PDZD8: variants seen among roughly 807,000 people sequenced by gnomAD.
PDZD8 encodes PDZ domain-containing protein 8.
PDZD8 carries 14 observed loss-of-function variants against 85.8 expected under a neutral mutation model. The observed-to-expected ratio is 0.16, with a 90% CI of 0.11 to 0.26. The LOEUF is 0.26. Among genes scored for constraint, PDZD8 ranks in the 10% least tolerant of loss-of-function variants. The pLI, the probability that PDZD8 is intolerant of heterozygous loss-of-function variation, is 1.00. For synonymous variants in PDZD8, 592 were observed against 568.6 expected, an observed-to-expected ratio of 1.04 and a Z score of -0.59; for missense variants, 1,197 against 1,424.3, an observed-to-expected ratio of 0.84 and a Z score of 2.57.
intron 1 of PDZD8, among the ~76,000 whole-genome samples, chr10:117,360,278 G>A (rs1246605812): frequency 6.6e-6 from 1 of 152,144 alleles, no homozygotes; most frequent in African/African-American, 2.4e-5. Context: ...GGGAACCAAA[G>A]TAATTCTCTT....
chr10:117,305,963 C>T (rs1564693731), intron 3 of PDZD8, among the ~76,000 whole-genome samples: 1 of 152,138 alleles, frequency 6.6e-6, no homozygotes, highest in Non-Finnish European at 1.5e-5. Flanking sequence ...AAAACGGTGA[C>T]ATCTGATATC....
chr10:117,299,873 T>C (rs1156882547), intron 3 of PDZD8, among the ~76,000 whole-genome samples: 3 of 152,180 alleles, frequency 2.0e-5, no homozygotes, highest in Non-Finnish European at 4.4e-5. Flanking sequence ...GGGGGTTTTA[T>C]AGAACCTTGA....
At chr10:117,327,545 T>TGG (rs1844339047) in intron 2 of PDZD8, among the ~76,000 whole-genome samples, 1 of 152,248 alleles carries the variant, frequency 6.6e-6, no homozygotes, top group Admixed American at 6.5e-5. Context: ...TTTTTTCTAT[T>TGG]GTTCTGTTTC....
intron 2 of PDZD8, among the ~76,000 whole-genome samples, chr10:117,338,950 T>C (rs1004158502): frequency 2.0e-5 from 3 of 152,112 alleles, no homozygotes; most frequent in African/African-American, 7.2e-5. Context: ...GCAAATGAAC[T>C]AGTATTTTCT....
intron 3 of PDZD8, among the ~76,000 whole-genome samples, chr10:117,305,511 C>CAT (rs1843926772): frequency 1.7e-5 from 2 of 120,540 alleles, no homozygotes; most frequent in Non-Finnish European, 3.7e-5. Context: ...CACACACACA[C>CAT]ACACATATAT....
intron 3 of PDZD8, among the ~76,000 whole-genome samples, chr10:117,294,337 A>C (rs2532814): frequency 1.3e-4 from 11 of 84,806 alleles, no homozygotes; most frequent in East Asian, 3.1e-4. Flanking sequence ...CAAAAAAAAA[A>C]AAAAAAAACA....
chr10:117,367,625 G>A (rs1845112804), intron 1 of PDZD8, among the ~76,000 whole-genome samples: 1 of 152,068 alleles, frequency 6.6e-6, no homozygotes, highest in Non-Finnish European at 1.5e-5. Context: ...TGGGTATTTA[G>A]GTGGAGTACA....
At chr10:117,328,014 A>C (rs1844346506) in intron 2 of PDZD8, among the ~76,000 whole-genome samples, 1 of 152,224 alleles carries the variant, frequency 6.6e-6, no homozygotes, top group Non-Finnish European at 1.5e-5. Flanking sequence ...GGTTAGCTTC[A>C]CTACACAGAA....
intron 1 of PDZD8, among the ~76,000 whole-genome samples, chr10:117,368,851 G>GTTTTTT (rs3034161): frequency 1.7e-4 from 17 of 99,070 alleles, no homozygotes; most frequent in Non-Finnish European, 2.5e-4. Flanking sequence ...TATTGACAAT[G>GTTTTTT]TTTTTTTTTT....
intron 1 of PDZD8, among the ~76,000 whole-genome samples, chr10:117,366,814 C>T (rs182056110): frequency 3.3e-5 from 5 of 152,198 alleles, no homozygotes; most frequent in South Asian, 2.1e-4. Context: ...CTCCGTAAAT[C>T]GCATATTTCC....
Position 117,283,277 on chromosome 10 carries a change from C to A in PDZD8, c.3456G>T (p.Glu1152Asp), listed in dbSNP as rs771622596. ...SISDDLFGPSESV is the reference protein window; with the variant it reads ...SISDDLFGPSDSV The stretch of plus-strand genomic sequence containing the variant: ...TAAATAGACCTGTCTGCTACACAGA[C>A]TCGGATGGGCCAAATAAGTCATCTG... Residue 1152 changes from glutamate (E) to aspartate (D), a missense_variant, in exon 5 of 5, where the codon GAG becomes GAT. Glu to Asp is a conservative substitution (Grantham distance 45). This residue lies in a region of PDZD8 where 418 missense variants were observed against 571.1 expected (regional missense o/e 0.73). Coordinates refer to ENST00000334464, the MANE Select transcript of PDZD8 (RefSeq NM_173791.5). The A allele has an allele frequency of 1.2e-6, 2 of 1,610,652 alleles. No homozygotes were observed. The highest frequency in any genetic ancestry group is 1.1e-5 in the South Asian group (1 of 90,346).
At chr10:117,293,733 T>A (rs1249045196) in intron 3 of PDZD8, among the ~76,000 whole-genome samples, 1 of 152,122 alleles carries the variant, frequency 6.6e-6, no homozygotes, top group Non-Finnish European at 1.5e-5. Context: ...TAACTGACAC[T>A]TATAGAACAT....
chr10:117,340,077 A>C (rs910871058), intron 2 of PDZD8, among the ~76,000 whole-genome samples: 1 of 152,226 alleles, frequency 6.6e-6, no homozygotes, highest in Non-Finnish European at 1.5e-5. Context: ...AATATAGCTT[A>C]AACTTTGGTG....
chr10:117,337,286 TA>T (rs1432936004), intron 2 of PDZD8, among the ~76,000 whole-genome samples: 1 of 152,144 alleles, frequency 6.6e-6, no homozygotes, highest in Admixed American at 6.6e-5. Flanking sequence ...ATTATAAATT[TA>T]AAAATAATCA....
intron 3 of PDZD8, among the ~76,000 whole-genome samples, chr10:117,315,453 G>T (rs1239552786): frequency 3.3e-5 from 5 of 151,746 alleles, no homozygotes; most frequent in African/African-American, 1.2e-4. Context: ...CAATTAGCTG[G>T]GTGCAGTGGT....
At chr10:117,311,976 G>C (rs762870044) in intron 3 of PDZD8, among the ~76,000 whole-genome samples, 70 of 152,098 alleles carry the variant, frequency 4.6e-4, no homozygotes, top group Non-Finnish European at 8.1e-4. Flanking sequence ...CCAATGCAGA[G>C]GGGGGAAGAG....
At chr10:117,366,815 G>A (rs11197970) in intron 1 of PDZD8, among the ~76,000 whole-genome samples, 11 of 151,998 alleles carry the variant, frequency 7.2e-5, no homozygotes, top group South Asian at 6.2e-4. Flanking sequence ...TCCGTAAATC[G>A]CATATTTCCA....
chr10:117,366,491 G>C (rs1845092253), intron 1 of PDZD8, among the ~76,000 whole-genome samples: 1 of 151,682 alleles, frequency 6.6e-6, no homozygotes, highest in Admixed American at 6.6e-5. Context: ...TTTAGAGCAG[G>C]GATCAGTGAA....
chr10:117,338,448 T>G (rs1844553906), intron 2 of PDZD8, among the ~76,000 whole-genome samples: 1 of 152,182 alleles, frequency 6.6e-6, no homozygotes, highest in Non-Finnish European at 1.5e-5. Flanking sequence ...TTAAAAAAAC[T>G]ATTTTTCCAT....
Sources: gnomAD v4.1 joint callset for allele counts (sites outside exome capture counted in the v4.1 genomes callset) on GRCh38, gnomAD v4.1.1 for gene constraint, gnomAD v4.1.1 regional missense constraint, MANE v1.5 for transcripts, NCBI Gene and HGNC (gene_info 2026-07-23, HGNC 2026-07-21) for gene names.